ZNF735: variants seen among roughly 807,000 people sequenced by gnomAD.
The protein encoded by ZNF735 is zinc finger protein 735.
A neutral mutation model predicts 13.4 loss-of-function variants in ZNF735; 11 were observed. The observed-to-expected ratio is 0.82, with a 90% confidence interval of 0.52 to 1.36. ZNF735 has a LOEUF of 1.36. ZNF735 is among the 40% of genes most tolerant of loss of function. The pLI is 0.00. For missense variants in ZNF735, 500 were observed against 484.6 expected (o/e 1.03, Z -0.30); for synonymous variants, 171 against 162.6 (o/e 1.05, Z -0.39).
At chr7:64,209,257 T>G (rs1383648824) in intron 1 of ZNF735, among the ~76,000 whole-genome samples, 1 of 151,896 alleles carries the variant, frequency 6.6e-6, no homozygotes, top group East Asian at 1.9e-4. Context: ...TTAGTCTAAT[T>G]GTTTTTATTT....
intron 3 of ZNF735, among the ~76,000 whole-genome samples, chr7:64,217,451 T>C (rs1219793718): frequency 6.6e-6 from 1 of 152,148 alleles, no homozygotes; most frequent in Non-Finnish European, 1.5e-5. Context: ...TACAATACAA[T>C]GTTCTTCAGG....
At chr7:64,217,467 T>G (rs1584215753) in intron 3 of ZNF735, among the ~76,000 whole-genome samples, 1 of 152,262 alleles carries the variant, frequency 6.6e-6, no homozygotes, top group South Asian at 2.1e-4. Context: ...TCAGGTTTTC[T>G]GTTTTTTTTA....
At chr7:64,214,716 CTGT>C (rs963894294) in intron 3 of ZNF735, among the ~76,000 whole-genome samples, 80 of 151,878 alleles carry the variant, frequency 5.3e-4, no homozygotes, top group African/African-American at 1.7e-3. Context: ...TCATTTTACT[CTGT>C]TGCATATTTT....
intron 3 of ZNF735, among the ~76,000 whole-genome samples, chr7:64,218,758 G>C (rs541342262): frequency 6.6e-6 from 1 of 152,190 alleles, no homozygotes; most frequent in South Asian, 2.1e-4. Flanking sequence ...TCTTTGTAAT[G>C]CAGCTCTTTC....
chr7:64,214,153 C>T (rs756763280), intron 3 of ZNF735, 45 bp downstream of exon 3: 1 of 1,581,980 alleles, frequency 6.3e-7, no homozygotes, highest in South Asian at 1.1e-5. Flanking sequence ...GAGATGTCCA[C>T]AAGTCAAGGA....
At chr7:64,211,595 G>A (rs1310661356) in intron 1 of ZNF735, among the ~76,000 whole-genome samples, 1 of 152,046 alleles carries the variant, frequency 6.6e-6, no homozygotes, top group Non-Finnish European at 1.5e-5. Flanking sequence ...CAGTCACGGT[G>A]GCTCAGGCTT....
chr7:64,208,331 C>T (rs1159622738), intron 1 of ZNF735, among the ~76,000 whole-genome samples: 1 of 138,812 alleles, frequency 7.2e-6, no homozygotes, highest in Non-Finnish European at 1.5e-5. Flanking sequence ...AATCTCACCT[C>T]TTTACAACCT....
intron 3 of ZNF735, among the ~76,000 whole-genome samples, chr7:64,216,571 T>C (rs920451215): frequency 3.2e-4 from 48 of 152,284 alleles, no homozygotes; most frequent in African/African-American, 1.1e-3. Flanking sequence ...GAGCTTTGAT[T>C]AGAAAACATA....
At chr7:64,215,929 A>G (rs1364541955) in intron 3 of ZNF735, among the ~76,000 whole-genome samples, 1 of 152,022 alleles carries the variant, frequency 6.6e-6, no homozygotes, top group Non-Finnish European at 1.5e-5. Context: ...GCTTTTTATT[A>G]TGTTTTGAAA....
In ZNF735 at chr7:64,213,152, G is replaced by T. The variant is rs770767417; in HGVS notation, c.100G>T (p.Asp34Tyr). Residue 34 changes from aspartate (D) to tyrosine (Y), a missense_variant, in exon 2 of 4, where the codon GAT becomes TAT. Physicochemically the swap from Asp to Tyr is radical, Grantham distance 160. Transcript: ENST00000429565. ...CTCTCTGGCGGAGTGGCAATGCCTG[G>T]ATCATGCTCAGCAGAATTTATATAG... 2.5e-6 allele frequency: 4 copies of T among 1,612,950 alleles called. No individual in the cohort carries two copies. The African/African-American group carries it at 4.0e-5, about 16-fold the overall frequency.
intron 1 of ZNF735, among the ~76,000 whole-genome samples, chr7:64,211,883 GAA>G (rs566518230): frequency 0.14 from 13,720 of 95,256 alleles, 699 homozygotes; most frequent in African/African-American, 0.19. Flanking sequence ...AAAGAAAAAA[GAA>G]AAAAAATATA....
intron 1 of ZNF735, among the ~76,000 whole-genome samples, chr7:64,209,705 T>C (rs112787923): frequency 0.039 from 5,915 of 152,220 alleles, 183 homozygotes; most frequent in East Asian, 0.16. Context: ...CTTTTGCGAG[T>C]GTTGAAGTTG....
intron 2 of ZNF735, among the ~76,000 whole-genome samples, 165 bp from the exon 3 acceptor site, chr7:64,213,848 A>T (rs1787388730): frequency 6.6e-6 from 1 of 152,054 alleles, no homozygotes; most frequent in Non-Finnish European, 1.5e-5. Flanking sequence ...AGTCCCAGCT[A>T]CTCAGGAGGC....
intron 3 of ZNF735, among the ~76,000 whole-genome samples, chr7:64,218,507 T>A (rs1042854194): frequency 1.3e-5 from 2 of 152,152 alleles, no homozygotes; most frequent in African/African-American, 4.8e-5. Flanking sequence ...ATTGTTTATT[T>A]TTATTATTCC....
chr7:64,207,350 G>A lies in ZNF735; in HGVS notation c.39+109G>A, dbSNP rs187283602. The stretch of plus-strand genomic sequence containing the variant: ...CCTCGCAGTCAGCTCCGGAGTCTGA[G>A]GACCCAAATCCTCCTTGGCCCAGTT... On this transcript the variant is annotated intron_variant, in intron 1 of 3. Transcript: ENST00000429565. 6 of 1,604,394 alleles carry A rather than the reference G, an allele frequency of 3.7e-6. No homozygotes were observed. The East Asian group carries it at 1.1e-4, about 30-fold the overall frequency.
At chr7:64,214,659 T>C (rs775354836) in intron 3 of ZNF735, among the ~76,000 whole-genome samples, 7 of 152,060 alleles carry the variant, frequency 4.6e-5, no homozygotes, top group Admixed American at 2.0e-4. Context: ...AAGGGTGGGT[T>C]ACGATACTTG....
intron 2 of ZNF735, among the ~76,000 whole-genome samples, 172 bp downstream of exon 2, chr7:64,213,390 A>G (rs1341145814): frequency 3.3e-5 from 5 of 152,084 alleles, no homozygotes; most frequent in Admixed American, 6.6e-5. Context: ...CTTGACCTGA[A>G]CTTTTCCCTT....
intron 3 of ZNF735, among the ~76,000 whole-genome samples, chr7:64,215,459 A>G (rs1416157351): frequency 6.6e-6 from 1 of 152,158 alleles, no homozygotes; most frequent in East Asian, 1.9e-4. Flanking sequence ...TGATTTTCAA[A>G]TATTGTCACC....
chr7:64,209,833 A>G (rs1787335772), intron 1 of ZNF735, among the ~76,000 whole-genome samples: 1 of 152,164 alleles, frequency 6.6e-6, no homozygotes, highest in African/African-American at 2.4e-5. Context: ...CCTTAGCTGT[A>G]ACCCTGAGAT....
Sources: allele counts gnomAD v4.1 joint callset (sites outside exome capture counted in the v4.1 genomes callset), GRCh38; gene constraint gnomAD v4.1.1; transcripts MANE v1.5; gene names NCBI Gene and HGNC (gene_info 2026-07-23, HGNC 2026-07-21).